CES4A: variants seen among roughly 807,000 people sequenced by gnomAD.
CES4A encodes carboxylesterase 4A.
A neutral mutation model predicts 65.4 loss-of-function variants in CES4A; 48 were observed. That is an observed-to-expected ratio of 0.73 (90% CI 0.58 to 0.93). The LOEUF is 0.93. Among genes scored for constraint, CES4A ranks in the 40% least tolerant of loss-of-function variants. The pLI is 0.00. For synonymous variants in CES4A, 247 were observed against 281.8 expected, an observed-to-expected ratio of 0.88 and a Z score of 1.24; for missense variants, 685 against 728.5, an observed-to-expected ratio of 0.94 and a Z score of 0.69.
chr16:67,010,111 G>A (rs2145687317), downstream of CES4A, among the ~76,000 whole-genome samples: 1 of 150,186 alleles, frequency 6.7e-6, no homozygotes, highest in South Asian at 2.1e-4. Context: ...TGTCACCCAG[G>A]CTGGAGTGCA....
chr16:67,000,759 C>T lies in CES4A; in HGVS notation c.382C>T (p.Pro128Ser). The change falls in exon 3 of 14, where the codon CCC (proline) becomes TCC (serine). Residue 128 changes from proline to serine, a missense_variant. Physicochemically the swap from Pro to Ser is moderately conservative, Grantham distance 74. Coordinates refer to ENST00000648724, the Ensembl canonical transcript of CES4A. The surrounding 1 kb of genome is among the most constrained non-coding windows in gnomAD (Gnocchi z 4.2). ...GAACGTGTACGCGCCGGCGCGCGCG[C>T]CCGGGGATCCCCAGCTGCCAGTGAG... 6.5e-7 allele frequency: 1 copy of T among 1,549,094 alleles called. No individual in the cohort carries two copies. Among genetic ancestry groups the T allele is most frequent in the Non-Finnish European group, 8.7e-7 (1 of 1,146,066 alleles).
At chr16:66,991,185 C>T (rs1041031509) in intron 1 of CES4A, among the ~76,000 whole-genome samples, 4 of 151,934 alleles carry the variant, frequency 2.6e-5, no homozygotes, top group Non-Finnish European at 5.9e-5. Flanking sequence ...CCACCACGCC[C>T]AGCTAATTTT....
In CES4A at chr16:67,000,796, C is replaced by T. The variant is rs1178935912; in HGVS notation, c.402+17C>T. On this transcript the variant is annotated intron_variant, in intron 3 of 13. Transcript: ENST00000648724. The surrounding 1 kb of genome is among the most constrained non-coding windows in gnomAD (Gnocchi z 4.2). ...CAGCTGCCAGTGAGTGCCAGGTCTC[C>T]CGCGCCCGCGGTCCCACCGCCGCCC... 2.6e-6 allele frequency: 4 copies of T among 1,550,134 alleles called. No homozygotes were observed. In the South Asian group the frequency reaches 4.8e-5, roughly 18 times the overall value.
At chr16:66,994,061 A>G (rs1158946488) in intron 1 of CES4A, among the ~76,000 whole-genome samples, 1 of 151,378 alleles carries the variant, frequency 6.6e-6, no homozygotes, top group Admixed American at 6.6e-5. Context: ...AGATCGTGCC[A>G]CTGCACTCCA....
At position 67,003,480 on chromosome 16, in the gene CES4A, T is replaced by G. The variant is rs778119982; in HGVS notation, c.901-35T>G. 1 of 1,608,542 alleles carries G rather than the reference T, an allele frequency of 6.2e-7. No individual in the cohort carries two copies. Among genetic ancestry groups the G allele is most frequent in the Non-Finnish European group, 8.5e-7 (1 of 1,174,956 alleles). ...TGTCTCAAGAGCACACGAGGGAGAC[T>G]TCCTTTAACTCTGATCCCTTCCTCT... On this transcript the variant is annotated intron_variant, in intron 7 of 13. Transcript: ENST00000648724. The surrounding 1 kb of genome is among the most constrained non-coding windows in gnomAD (Gnocchi z 4.2).
intron 2 of CES4A, among the ~76,000 whole-genome samples, chr16:66,997,975 AC>A (rs1964990311): frequency 6.6e-6 from 1 of 151,056 alleles, no homozygotes; most frequent in Non-Finnish European, 1.5e-5. Flanking sequence ...ACACACACAC[AC>A]ACACACACAC....
intron 1 of CES4A, among the ~76,000 whole-genome samples, chr16:66,993,050 G>T (rs1406480669): frequency 6.6e-6 from 1 of 152,174 alleles, no homozygotes; most frequent in African/African-American, 2.4e-5. Context: ...AGGGACATTG[G>T]ATGTGAGGCT....
At chr16:66,996,477 C>T (rs1296683390) in intron 2 of CES4A, among the ~76,000 whole-genome samples, 3 of 152,162 alleles carry the variant, frequency 2.0e-5, no homozygotes, top group South Asian at 2.1e-4. Flanking sequence ...TGACCCAGTC[C>T]GGAGCTCTTC....
chr16:67,004,746 C>T (rs1328160075), intron 9 of CES4A, 47 bp from the exon 10 acceptor site: 1 of 1,470,540 alleles, frequency 6.8e-7, no homozygotes, highest in Admixed American at 2.0e-5. Context: ...AGAATCCCTC[C>T]TAATGCTCAG....
At chr16:67,004,108 G>A (rs1246777714) in exon 9 of CES4A, 5 of 1,614,170 alleles carry the variant, frequency 3.1e-6, no homozygotes, top group Non-Finnish European at 3.4e-6. Flanking sequence ...GAGCCCTGTG[G>A]TGGATGGTGT....
intron 1 of CES4A, among the ~76,000 whole-genome samples, chr16:66,994,657 C>CAT (rs1567571701): frequency 2.1e-5 from 3 of 145,806 alleles, no homozygotes; most frequent in Non-Finnish European, 3.0e-5. Context: ...CTGGCTAGTA[C>CAT]GGTGAAACCC....
At position 67,003,542 on chromosome 16, in the gene CES4A, G is replaced by C. The variant is rs201117742; in HGVS notation, c.928G>C (p.Asp310His). ...ATTCCTCCAACTGAACTTCCAGAGAGACCCGGAAGAGGTAAACAGGCCACA... is the reference window on the plus strand; with the variant it reads ...ATTCCTCCAACTGAACTTCCAGAGACACCCGGAAGAGGTAAACAGGCCACA... Residue 310 changes from aspartate to histidine, a missense_variant, in exon 8 of 14, where the codon GAC becomes CAC. Physicochemically the swap from Asp to His is moderately conservative, Grantham distance 81. Transcript: ENST00000648724. This position sits in a 1 kb window ranked among gnomAD's most constrained non-coding sequence, Gnocchi z 4.2. 4.0e-5 allele frequency: 65 copies of C among 1,613,434 alleles called. No homozygotes were observed. In the African/African-American group the frequency reaches 7.5e-4, roughly 19 times the overall value.
intron 11 of CES4A, 85 bp from the exon 12 acceptor site, chr16:67,006,306 G>A: frequency 6.9e-6 from 10 of 1,439,288 alleles, no homozygotes; most frequent in Non-Finnish European, 9.4e-6. Flanking sequence ...TTCCTGCTTG[G>A]TGCAGGTGAG....
intron 8 of CES4A, 61 bp from the exon 9 acceptor site, chr16:67,004,023 G>C: frequency 6.3e-7 from 1 of 1,591,950 alleles, no homozygotes; most frequent in Non-Finnish European, 8.6e-7. Flanking sequence ...GGCACCCAAG[G>C]TTGCAGGGAC....
intron 13 of CES4A, chr16:67,007,787 ATTT>A (rs1358258213): frequency 1.4e-5 from 2 of 139,074 alleles, no homozygotes. Context: ...TGCCCGTCTA[ATTT>A]TTTTTTTTTT....
In CES4A at chr16:67,001,341, G is replaced by A. The variant is rs1249835509; in HGVS notation, c.570G>A (p.Gly190=). The A allele has an allele frequency of 1.2e-6, 2 of 1,612,630 alleles. No individual in the cohort carries two copies. Among genetic ancestry groups the A allele is most frequent in the East Asian group, 4.5e-5 (2 of 44,870 alleles). Reference sequence around the variant, plus strand: ...ACAGCCACGCGCGCGGGAACTGGGGGCTGCTGGACCAGATGGCGGCTCTGC... The same window carrying A: ...ACAGCCACGCGCGCGGGAACTGGGGACTGCTGGACCAGATGGCGGCTCTGC... The change falls in exon 5 of 14, where the codon GGG becomes GGA. Residue 190 remains glycine, a synonymous_variant. Coordinates refer to ENST00000648724, the Ensembl canonical transcript of CES4A. This position sits in a 1 kb window ranked among gnomAD's most constrained non-coding sequence, Gnocchi z 4.1.
Position 67,001,144 on chromosome 16 carries a change from A to G in CES4A, c.536+154A>G, listed in dbSNP as rs1176805059. The G allele has an allele frequency of 1.5e-6, 2 of 1,379,256 alleles. No individual in the cohort carries two copies. The highest frequency in any genetic ancestry group is 1.9e-6 in the Non-Finnish European group (2 of 1,033,772). 85.4% of individuals were successfully genotyped at this position (1,379,256 alleles called of 1,614,324 possible). A position where few individuals can be genotyped will look rare whatever the true frequency, so the allele number is the denominator to read the frequency against. On this transcript the variant is annotated intron_variant, in intron 4 of 13. Transcript: ENST00000648724. The surrounding 1 kb of genome is among the most constrained non-coding windows in gnomAD (Gnocchi z 4.1). ...GCTCGGTGGAAGGGGCGGGCGCTCC[A>G]TACCATCTGGATGGGGCGAGCTAAC...
At chr16:66,995,344 A>T (rs567040759) in intron 1 of CES4A, among the ~76,000 whole-genome samples, 356 of 150,414 alleles carry the variant, frequency 2.4e-3, no homozygotes, top group African/African-American at 8.5e-3. Context: ...AATAAATATA[A>T]ATAAATAAAC....
In CES4A at chr16:66,988,696, C is replaced by T. The variant is rs752911146; in HGVS notation, c.-77C>T. 2.4e-5 allele frequency: 37 copies of T among 1,549,040 alleles called. No homozygotes were observed. The highest frequency in any genetic ancestry group is 6.8e-5 in the African/African-American group (5 of 73,030). On this transcript the variant is annotated 5_prime_UTR_variant, in exon 1 of 14. In the 5' UTR this introduces an upstream ATG that the reference lacks. Coordinates refer to ENST00000648724, the Ensembl canonical transcript of CES4A. ...AAAGTGTGCTCACACACTGTAGACA[C>T]GGCTACCATGCCATCCACAGTGTTG...
Sources: gnomAD v4.1 joint callset for allele counts (sites outside exome capture counted in the v4.1 genomes callset) on GRCh38, gnomAD v4.1.1 for gene constraint, Gnocchi (gnomAD v3.1) non-coding constraint, MANE v1.5 for transcripts, NCBI Gene and HGNC (gene_info 2026-07-23, HGNC 2026-07-21) for gene names.